The following NHSL1 variants were observed in gnomAD, a reference collection of about 807,000 sequenced individuals.
The protein encoded by NHSL1 is NHS-like protein 1.
In NHSL1, 48 loss-of-function variants were observed where a neutral mutation model predicts 95.0. The observed-to-expected ratio is 0.51, with a 90% confidence interval of 0.40 to 0.64. The LOEUF (loss-of-function observed/expected upper bound fraction) is 0.64, where lower values mean the gene tolerates loss of function less well. NHSL1 is among the 30% of genes least tolerant of loss of function. The pLI, the probability that NHSL1 is intolerant of heterozygous loss-of-function variation, is 0.00. For synonymous variants in NHSL1, 783 were observed against 833.9 expected, an observed-to-expected ratio of 0.94 and a Z score of 1.05; for missense variants, 1,971 against 2,077.7, an observed-to-expected ratio of 0.95 and a Z score of 1.00.
At chr6:138,494,548 T>C (rs1003116341) in intron 2 of NHSL1, among the ~76,000 whole-genome samples, 1 of 152,192 alleles carries the variant, frequency 6.6e-6, no homozygotes, top group African/African-American at 2.4e-5. Context: ...GTTAAGTGTT[T>C]AATAAATGTT....
chr6:138,633,549 G>GA (rs113247527), intron 1 of NHSL1, among the ~76,000 whole-genome samples: 17,234 of 152,114 alleles, frequency 0.11, 1,383 homozygotes, highest in African/African-American at 0.23. Context: ...AGTGCTGAAG[G>GA]AAAAAACTTT....
intron 1 of NHSL1, among the ~76,000 whole-genome samples, chr6:138,667,945 G>A (rs372743482): frequency 1.4e-4 from 21 of 152,304 alleles, no homozygotes; most frequent in African/African-American, 4.1e-4. Flanking sequence ...ATTTTATACA[G>A]TTCTATAATT....
At position 138,423,815 on chromosome 6, in the gene NHSL1, C is replaced by CAAAAAA. The variant is rs56326954; in HGVS notation, c.*260_*265dup. On this transcript the variant is annotated 3_prime_UTR_variant, in exon 8 of 8. Coordinates refer to ENST00000343505, the MANE Select transcript of NHSL1 (RefSeq NM_001144060.2). The stretch of plus-strand genomic sequence containing the variant: ...GCACACATACACACCCAGCATTTAG[C>CAAAAAA]AAAAAAAAAAAAAAAAAAAAAAAAT... 35 of 139,102 alleles carry CAAAAAA rather than the reference C, an allele frequency of 2.5e-4. No homozygotes were observed. The highest frequency in any genetic ancestry group is 8.3e-4 in the African/African-American group (22 of 26,532). The allele number at this position is 139,102 out of a possible 1,614,324, so 8.6% of individuals were successfully genotyped here.
intron 3 of NHSL1, 148 bp downstream of exon 3, chr6:138,473,158 G>C: frequency 1.7e-6 from 1 of 603,954 alleles, no homozygotes. Context: ...CATAATTATG[G>C]CGCATTTGTC....
chr6:138,423,937 T>A lies in NHSL1; in HGVS notation c.*144A>T. On this transcript the variant is annotated 3_prime_UTR_variant, in exon 8 of 8. Coordinates refer to ENST00000343505, the MANE Select transcript of NHSL1 (RefSeq NM_001144060.2). ...GTCCTAAATAACCGTTCACTCACAC[T>A]GCAGGGCTGGCAACCCCGGGGCCCA... 1.3e-6 allele frequency: 1 copy of A among 770,834 alleles called. No homozygotes were observed. The highest frequency in any genetic ancestry group is 1.8e-6 in the Non-Finnish European group (1 of 562,214). The allele number at this position is 770,834 out of a possible 1,614,324, so 47.7% of individuals were successfully genotyped here. A position where few individuals can be genotyped will look rare whatever the true frequency, so the allele number is the denominator to read the frequency against.
Position 138,431,981 on chromosome 6 carries a change from G to GC in NHSL1, c.2363dup (p.Met789HisfsTer120). 2 of 1,551,754 alleles carry GC rather than the reference G, an allele frequency of 1.3e-6. No individual in the cohort carries two copies. Among genetic ancestry groups the GC allele is most frequent in the Non-Finnish European group, 1.7e-6 (2 of 1,146,994 alleles). On this transcript the variant is annotated frameshift_variant, in exon 6 of 8. Coordinates refer to ENST00000343505, the MANE Select transcript of NHSL1 (RefSeq NM_001144060.2). LOFTEE classifies it high-confidence loss of function. The surrounding 1 kb of genome is among the most constrained non-coding windows in gnomAD (Gnocchi z 4.0). ...CCGGGTTCCCCGGATCTTCCTGCAT[G>GC]CCCGTGTAGTCAATGTAATAACCCC...
chr6:138,592,746 A>G (rs1025665885), intron 1 of NHSL1, among the ~76,000 whole-genome samples: 6 of 152,302 alleles, frequency 3.9e-5, no homozygotes, highest in Admixed American at 1.3e-4. Context: ...GGGCTGGTCT[A>G]AATATTTTCT....
chr6:138,464,189 G>A lies in NHSL1; in HGVS notation c.339+9117C>T, dbSNP rs1778190806. 9.8e-6 allele frequency: 7 copies of A among 711,338 alleles called. 1 individual carries two copies. In the Admixed American group the frequency reaches 1.4e-4, roughly 14 times the overall value. The allele number at this position is 711,338 out of a possible 1,614,324, so 44.1% of individuals were successfully genotyped here. A position where few individuals can be genotyped will look rare whatever the true frequency, so the allele number is the denominator to read the frequency against. ...AGTACAGTTATACCTGGGCACCAGG[G>A]GCAGCCTGACAGAGGCTGAGAGGCT... On this transcript the variant is annotated intron_variant, in intron 3 of 7. Transcript: ENST00000343505.
chr6:138,521,284 AC>A (rs1261205038), intron 1 of NHSL1, among the ~76,000 whole-genome samples: 1 of 152,088 alleles, frequency 6.6e-6, no homozygotes, highest in Admixed American at 6.5e-5. Flanking sequence ...ACATAGTGAG[AC>A]CCCCATCTCT....
intron 1 of NHSL1, among the ~76,000 whole-genome samples, chr6:138,641,256 T>C (rs1784956016): frequency 6.6e-6 from 1 of 152,148 alleles, no homozygotes; most frequent in Admixed American, 6.5e-5. Flanking sequence ...ATTCTCTAAT[T>C]TACAATTTTA....
intron 2 of NHSL1, among the ~76,000 whole-genome samples, chr6:138,486,442 G>C (rs1255146054): frequency 6.6e-6 from 1 of 152,042 alleles, no homozygotes; most frequent in Non-Finnish European, 1.5e-5. Flanking sequence ...CGATTCAATA[G>C]CCTTTTCTTA....
intron 3 of NHSL1, among the ~76,000 whole-genome samples, chr6:138,457,470 T>C (rs954639086): frequency 1.3e-5 from 2 of 152,234 alleles, no homozygotes; most frequent in Non-Finnish European, 1.5e-5. Flanking sequence ...CGACGTCCTC[T>C]AGGTTCTCTT....
At chr6:138,565,817 C>A (rs988064426) in intron 1 of NHSL1, among the ~76,000 whole-genome samples, 1 of 147,202 alleles carries the variant, frequency 6.8e-6, no homozygotes, top group Non-Finnish European at 1.5e-5. Flanking sequence ...GTACCCTGTG[C>A]CTGTAGTCCT....
chr6:138,497,173 C>T (rs72975213), intron 1 of NHSL1, among the ~76,000 whole-genome samples: 13,882 of 152,146 alleles, frequency 0.091, 875 homozygotes, highest in Middle Eastern at 0.23. Flanking sequence ...GGCTTGAGAC[C>T]TCTCTAGTTC....
At position 138,432,518 on chromosome 6, in the gene NHSL1, T is replaced by C. The variant is rs775180744; in HGVS notation, c.1827A>G (p.Ala609=). ...CATGTCCAGAGTCAGTGTGCACAGATGCACAGTAGCCATCGTGGTCCTCAG... is the reference window on the plus strand; with the variant it reads ...CATGTCCAGAGTCAGTGTGCACAGACGCACAGTAGCCATCGTGGTCCTCAG... ...LYSEDHDGYC[A]SVHTDSGHGS... The change falls in exon 6 of 8, where the codon GCA becomes GCG. Residue 609 remains alanine, a synonymous_variant. Transcript: ENST00000343505. The surrounding 1 kb of genome is among the most constrained non-coding windows in gnomAD (Gnocchi z 4.4). 1 of 1,552,272 alleles carries C rather than the reference T, an allele frequency of 6.4e-7. No homozygotes were observed. The highest frequency in any genetic ancestry group is 8.7e-7 in the Non-Finnish European group (1 of 1,147,102).
chr6:138,548,593 T>C (rs1225739111), upstream of NHSL1, among the ~76,000 whole-genome samples: 2 of 152,226 alleles, frequency 1.3e-5, no homozygotes, highest in African/African-American at 2.4e-5. Flanking sequence ...AAAGATTGGA[T>C]GCCCTAATAG....
chr6:138,467,550 G>T (rs980197781), intron 3 of NHSL1, among the ~76,000 whole-genome samples: 3 of 152,190 alleles, frequency 2.0e-5, no homozygotes, highest in Non-Finnish European at 4.4e-5. Flanking sequence ...CCAGAAGTGG[G>T]TATTGTTATC....
At chr6:138,501,595 G>A (rs1780684658), upstream of NHSL1, among the ~76,000 whole-genome samples, 1 of 152,162 alleles carries the variant, frequency 6.6e-6, no homozygotes, top group African/African-American at 2.4e-5. Context: ...GATTCCTCAG[G>A]CTGTGAGACA....
At chr6:138,484,410 C>T (rs1779603815) in intron 2 of NHSL1, among the ~76,000 whole-genome samples, 1 of 151,916 alleles carries the variant, frequency 6.6e-6, no homozygotes, top group African/African-American at 2.4e-5. Flanking sequence ...AACACAATTC[C>T]AAATGACTTC....
Sources: gnomAD v4.1 joint callset for allele counts (sites outside exome capture counted in the v4.1 genomes callset) on GRCh38, gnomAD v4.1.1 for gene constraint, Gnocchi (gnomAD v3.1) non-coding constraint, MANE v1.5 for transcripts, NCBI Gene and HGNC (gene_info 2026-07-23, HGNC 2026-07-21) for gene names.